Variants in CADPS2 observed in about 807,000 individuals in gnomAD.
CADPS2 encodes the protein calcium dependent secretion activator 2.
CADPS2 carries 93 observed loss-of-function variants against 172.5 expected under a neutral mutation model. The observed-to-expected ratio is 0.54, with a 90% confidence interval of 0.46 to 0.64. The LOEUF is 0.64. Among genes scored for constraint, CADPS2 ranks in the 30% least tolerant of loss-of-function variants. The pLI, the probability that CADPS2 is intolerant of heterozygous loss-of-function variation, is 0.00. For missense variants in CADPS2, 1,420 were observed against 1,565.9 expected, an observed-to-expected ratio of 0.91 and a Z score of 1.57; for synonymous variants, 546 against 555.2, an observed-to-expected ratio of 0.98 and a Z score of 0.23.
intron 9 of CADPS2, among the ~76,000 whole-genome samples, chr7:122,503,022 GA>G (rs1243809659): frequency 3.9e-4 from 51 of 130,802 alleles, no homozygotes; most frequent in African/African-American, 1.4e-3. Context: ...ACTTCAAGGA[GA>G]AAAAAACTTT....
chr7:122,351,589 C>G (rs2038650339), intron 27 of CADPS2, among the ~76,000 whole-genome samples: 1 of 151,770 alleles, frequency 6.6e-6, no homozygotes, highest in African/African-American at 2.4e-5. Context: ...AGATTTAGAG[C>G]ATGTAACATG....
intron 8 of CADPS2, among the ~76,000 whole-genome samples, chr7:122,548,475 T>C (rs1401288733): frequency 6.6e-6 from 1 of 152,170 alleles, no homozygotes; most frequent in Non-Finnish European, 1.5e-5. Flanking sequence ...TCACCTGGTA[T>C]GTAAATCTAA....
intron 12 of CADPS2, among the ~76,000 whole-genome samples, chr7:122,478,475 G>A (rs1321865763): frequency 6.6e-6 from 1 of 152,186 alleles, no homozygotes; most frequent in Admixed American, 6.5e-5. Flanking sequence ...GCGTCTTTAG[G>A]TGGTACTGTC....
intron 22 of CADPS2, among the ~76,000 whole-genome samples, chr7:122,391,068 T>G (rs145545751): frequency 1.3e-5 from 2 of 152,068 alleles, no homozygotes; most frequent in South Asian, 2.1e-4. Flanking sequence ...TAATCAGCAG[T>G]TGTATTTTTA....
intron 8 of CADPS2, among the ~76,000 whole-genome samples, chr7:122,536,992 G>A (rs138884460): frequency 1.3e-5 from 2 of 152,092 alleles, no homozygotes; most frequent in Non-Finnish European, 2.9e-5. Context: ...GGCACATAGA[G>A]GAGAAGACCA....
chr7:122,324,617 C>T (rs1214720587), intron 29 of CADPS2, among the ~76,000 whole-genome samples: 4 of 151,912 alleles, frequency 2.6e-5, no homozygotes, highest in African/African-American at 9.7e-5. Context: ...CTCATATATA[C>T]ACACATTATG....
chr7:122,545,907 A>G (rs2063568988), intron 8 of CADPS2, among the ~76,000 whole-genome samples: 1 of 152,126 alleles, frequency 6.6e-6, no homozygotes, highest in Non-Finnish European at 1.5e-5. Flanking sequence ...ATGTTTTGAA[A>G]TGTGTTTTAG....
chr7:122,490,321 G>A (rs1563490509), intron 10 of CADPS2, 40 bp from the exon 11 acceptor site: 2 of 1,578,564 alleles, frequency 1.3e-6, no homozygotes, highest in Admixed American at 1.7e-5. Flanking sequence ...AAATTTATAG[G>A]ATTGGCAGAT....
chr7:122,799,603 CAA>C (rs58187843), intron 1 of CADPS2, among the ~76,000 whole-genome samples: 9 of 48,274 alleles, frequency 1.9e-4, no homozygotes, highest in Admixed American at 2.3e-4. Flanking sequence ...GATTCCATCT[CAA>C]AAAAAAAAAA....
chr7:122,553,538 C>A (rs73433748), intron 8 of CADPS2, among the ~76,000 whole-genome samples: 94 of 152,194 alleles, frequency 6.2e-4, no homozygotes, highest in African/African-American at 2.2e-3. Context: ...CCTACTAAAC[C>A]AAAAAGCAAT....
In CADPS2 at chr7:122,541,360, C is replaced by CTA. The variant is rs1554608206; in HGVS notation, c.1475+13188_1475+13189dup. Among the ~76,000 whole-genome samples the CTA allele has an allele frequency of 1.2e-4, 5 of 40,276 alleles. No homozygotes were observed. The South Asian group carries it at 7.3e-3, about 59-fold the overall frequency. 26.4% of individuals were successfully genotyped at this position (40,276 alleles called of 152,430 possible). On this transcript the variant is annotated intron_variant, in intron 8 of 29. Transcript: ENST00000449022. ...TACAGGCGCCCACCACCACACCCAG[C>CTA]TATTTTTTTTTTTTTTTGTATTTTT...
intron 10 of CADPS2, 130 bp from the exon 11 acceptor site, chr7:122,490,411 T>C (rs1438720846): frequency 8.8e-6 from 6 of 680,196 alleles, no homozygotes; most frequent in East Asian, 7.9e-5. Context: ...GAATATTTAG[T>C]TTAAAGGATC....
Position 122,414,084 on chromosome 7 carries a change from T to C in CADPS2, c.2581-8A>G. 1 of 1,530,454 alleles carries C rather than the reference T, an allele frequency of 6.5e-7. No homozygotes were observed. Among genetic ancestry groups the C allele is most frequent in the Non-Finnish European group, 8.7e-7 (1 of 1,152,912 alleles). The allele number at this position is 1,530,454 out of a possible 1,614,324, so 94.8% of individuals were successfully genotyped here. A position where few individuals can be genotyped will look rare whatever the true frequency, so the allele number is the denominator to read the frequency against. On this transcript the variant is annotated splice_polypyrimidine_tract_variant and splice_region_variant and intron_variant, in intron 18 of 29. Transcript: ENST00000449022. The stretch of plus-strand genomic sequence containing the variant: ...TTTACTCACCTCTCTTCCCTGAGGG[T>C]TTCCAAGAATTTGGAAGCATTGCAG...
At chr7:122,673,026 G>C (rs530190399) in intron 2 of CADPS2, among the ~76,000 whole-genome samples, 1 of 152,160 alleles carries the variant, frequency 6.6e-6, no homozygotes, top group Non-Finnish European at 1.5e-5. Context: ...GCAGACCTTC[G>C]CAGTGTTACA....
At chr7:122,650,153 A>AC (rs1430074122) in intron 3 of CADPS2, among the ~76,000 whole-genome samples, 2 of 151,356 alleles carry the variant, frequency 1.3e-5, no homozygotes, top group Non-Finnish European at 2.9e-5. Flanking sequence ...CAAGTGATCC[A>AC]CCCACCTCAG....
chr7:122,663,921 T>C (rs2135393926), intron 2 of CADPS2, among the ~76,000 whole-genome samples: 1 of 152,268 alleles, frequency 6.6e-6, no homozygotes. Context: ...TCTCATGCCT[T>C]CCACCACATG....
At chr7:122,850,145 C>T in intron 1 of CADPS2, 3 of 1,169,658 alleles carry the variant, frequency 2.6e-6, no homozygotes, top group South Asian at 4.5e-5. Context: ...AACTGCTGAA[C>T]AGGGCGTATC....
At chr7:122,816,597 A>G (rs1801487166) in intron 1 of CADPS2, among the ~76,000 whole-genome samples, 1 of 152,192 alleles carries the variant, frequency 6.6e-6, no homozygotes, top group Non-Finnish European at 1.5e-5. Flanking sequence ...TAGTTTTTGG[A>G]GGAACCTCCA....
chr7:122,506,803 A>G lies in CADPS2; in HGVS notation c.1542+6446T>C, dbSNP rs10248311. On this transcript the variant is annotated intron_variant, in intron 9 of 29. Coordinates refer to ENST00000449022, the MANE Select transcript of CADPS2 (RefSeq NM_017954.11). ...AAAAATGAATAAATCTTCAAGATCCAGATAGATTGGACAGGAATATTTATT... is the reference window on the plus strand; with the variant it reads ...AAAAATGAATAAATCTTCAAGATCCGGATAGATTGGACAGGAATATTTATT... 3.9e-3 allele frequency among the ~76,000 whole-genome samples: 588 copies of G among 152,170 alleles called. 5 individuals carry two copies. The highest frequency in any genetic ancestry group is 0.013 in the African/African-American group (558 of 41,554).
Sources: allele counts gnomAD v4.1 joint callset (sites outside exome capture counted in the v4.1 genomes callset), GRCh38; gene constraint gnomAD v4.1.1; transcripts MANE v1.5; gene names NCBI Gene and HGNC (gene_info 2026-07-23, HGNC 2026-07-21).